NPPA: variants seen among roughly 807,000 people sequenced by gnomAD.
The protein encoded by NPPA is natriuretic peptide A, also known as natriuretic peptides A.
NPPA carries 10 observed loss-of-function variants against 12.2 expected under a neutral mutation model. The ratio of observed to expected loss-of-function variants is 0.82; its 90% CI spans 0.50 to 1.38. The LOEUF is 1.38. NPPA is among the 40% of genes most tolerant of loss of function. The pLI, the probability that NPPA is intolerant of heterozygous loss-of-function variation, is 0.00. For missense variants in NPPA, 207 were observed against 193.5 expected (o/e 1.07, Z -0.41); for synonymous variants, 85 against 80.2 (o/e 1.06, Z -0.32).
intron 2 of NPPA, 41 bp downstream of exon 2, chr1:11,847,072 A>G: frequency 6.7e-7 from 1 of 1,493,824 alleles, no homozygotes; most frequent in Non-Finnish European, 8.9e-7. Flanking sequence ...GTCTCCCAGT[A>G]GTGTCCATCC....
In NPPA at chr1:11,847,318, G is replaced by T. The variant is rs779318727; in HGVS notation, c.245C>A (p.Pro82His). 3.7e-6 allele frequency: 6 copies of T among 1,613,540 alleles called. No individual in the cohort carries two copies. In the South Asian group the frequency reaches 6.6e-5, roughly 18 times the overall value. Residue 82 changes from proline (P) to histidine (H), a missense_variant, in exon 2 of 3, where the codon CCC becomes CAC. Pro to His is a moderately conservative substitution (Grantham distance 77). Transcript: ENST00000376480. ...AALSPLPEVP[P>H]WTGEVSPAQR... The stretch of plus-strand genomic sequence containing the variant: ...GGCTGGGCTGACTTCCCCGGTCCAG[G>T]GAGGCACCTCAGGGAGGGGGCTGAG...
In NPPA at chr1:11,847,082, C is replaced by G. The variant is rs749969997; in HGVS notation, c.450+31G>C. The G allele has an allele frequency of 6.0e-6, 9 of 1,509,806 alleles. No homozygotes were observed. The Admixed American group carries it at 1.8e-4, about 30-fold the overall frequency. The allele number at this position is 1,509,806 out of a possible 1,614,324, so 93.5% of individuals were successfully genotyped here. A position where few individuals can be genotyped will look rare whatever the true frequency, so the allele number is the denominator to read the frequency against. ...AAGGTGTCTCCCAGTAGTGTCCATC[C>G]CATCCCATTTCCATCCCCAGTTCCT... On this transcript the variant is annotated intron_variant, in intron 2 of 2. Coordinates refer to ENST00000376480, the MANE Select transcript of NPPA (RefSeq NM_006172.4).
At position 11,846,619 on chromosome 1, in the gene NPPA, C is replaced by CTTTTT. The variant is rs70987207; in HGVS notation, c.450+489_450+493dup. 1.8e-4 allele frequency among the ~76,000 whole-genome samples: 20 copies of CTTTTT among 111,714 alleles called. 3 individuals carry two copies. The highest frequency in any genetic ancestry group is 6.2e-3 in the Middle Eastern group (1 of 162). 73.3% of individuals were successfully genotyped at this position (111,714 alleles called of 152,430 possible). A position where few individuals can be genotyped will look rare whatever the true frequency, so the allele number is the denominator to read the frequency against. On this transcript the variant is annotated intron_variant, in intron 2 of 2. Transcript: ENST00000376480. ...ACAGGCGTGAGCCACCGTGCCTGGC[C>CTTTTT]TTTTTTTTTTTTTTTTGAGACAGTC...
chr1:11,847,213 G>C lies in NPPA; in HGVS notation c.350C>G (p.Ala117Gly), dbSNP rs72639212. ...RSALLKSKLR[A>G]LLTAPRSLRR... ...CAGGCTCCGAGGGGCAGTGAGCAGC[G>C]CCCTCAGCTTGCTTTTTAGGAGGGC... The change falls in exon 2 of 3, where the codon GCG (alanine) becomes GGG (glycine). Residue 117 changes from alanine (A) to glycine (G), a missense_variant. Coordinates refer to ENST00000376480, the MANE Select transcript of NPPA (RefSeq NM_006172.4). 10 of 1,611,314 alleles carry C rather than the reference G, an allele frequency of 6.2e-6. No homozygotes were observed. The highest frequency in any genetic ancestry group is 8.5e-6 in the Non-Finnish European group (10 of 1,177,836).
At chr1:11,846,091 C>G in intron 2 of NPPA, 77 bp from the exon 3 acceptor site, 1 of 1,474,958 alleles carries the variant, frequency 6.8e-7, no homozygotes, top group Non-Finnish European at 9.5e-7. Context: ...ATGAGTGTGC[C>G]CATCCTCTGA....
Position 11,847,642 on chromosome 1 carries a change from G to A in NPPA, c.43C>T (p.Leu15=), listed in dbSNP as rs1292990926. The A allele has an allele frequency of 2.5e-6, 4 of 1,614,076 alleles. No individual in the cohort carries two copies. The highest frequency in any genetic ancestry group is 1.3e-5 in the African/African-American group (1 of 74,922). ...STTTVSFLLL[L]AFQLLGQTRA... Reference sequence around the variant, plus strand: ...GTCTGACCTAGGAGCTGGAATGCCAGTAAAAGGAGGAAGCTCACGGTGGTG... The same window carrying A: ...GTCTGACCTAGGAGCTGGAATGCCAATAAAAGGAGGAAGCTCACGGTGGTG... Residue 15 remains leucine (L), a synonymous_variant, in exon 1 of 3, where the codon CTG becomes TTG. Transcript: ENST00000376480.
Position 11,846,866 on chromosome 1 carries a change from G to A in NPPA, c.450+247C>T, listed in dbSNP as rs574683031. 1.1e-4 allele frequency among the ~76,000 whole-genome samples: 17 copies of A among 151,292 alleles called. No individual in the cohort carries two copies. In the East Asian group the frequency reaches 2.3e-3, roughly 21 times the overall value. On this transcript the variant is annotated intron_variant, in intron 2 of 2. Coordinates refer to ENST00000376480, the MANE Select transcript of NPPA (RefSeq NM_006172.4). ...CTTGACCTCATGATCCGCCTGCCTC[G>A]GCCTCCCAAAGTGCTGGGATTACAG...
Position 11,847,765 on chromosome 1 carries a change from C to T in NPPA, c.-81G>A. The T allele has an allele frequency of 6.2e-7, 1 of 1,602,630 alleles. No homozygotes were observed. ...TCCTCTCTGGTTCCCCTCTCTTGGC[C>T]TACGTCTGTCCCTGTCTCCCAGCTG... On this transcript the variant is annotated 5_prime_UTR_variant, in exon 1 of 3. Coordinates refer to ENST00000376480, the MANE Select transcript of NPPA (RefSeq NM_006172.4).
chr1:11,846,931 T>TA (rs1409414823), intron 2 of NPPA, among the ~76,000 whole-genome samples, 182 bp downstream of exon 2: 1 of 149,700 alleles, frequency 6.7e-6, no homozygotes, highest in Non-Finnish European at 1.5e-5. Context: ...CTTTTTTTTT[T>TA]AAGCATTTTC....
Position 11,847,335 on chromosome 1 carries a change from G to A in NPPA, c.228C>T (p.Pro76=). ...PNEEAGAALS[P]LPEVPPWTGE... ...CGGTCCAGGGAGGCACCTCAGGGAG[G>A]GGGCTGAGAGCAGCCCCCGCTTCTT... Residue 76 remains proline, a synonymous_variant, in exon 2 of 3, where the codon CCC becomes CCT. Transcript: ENST00000376480. 6.2e-7 allele frequency: 1 copy of A among 1,613,594 alleles called. No individual in the cohort carries two copies. The highest frequency in any genetic ancestry group is 2.2e-5 in the East Asian group (1 of 44,882).
At position 11,847,575 on chromosome 1, in the gene NPPA, A is replaced by G. The variant is rs757501347; in HGVS notation, c.110T>C (p.Leu37Pro). 3 of 1,614,010 alleles carry G rather than the reference A, an allele frequency of 1.9e-6. No individual in the cohort carries two copies. Among genetic ancestry groups the G allele is most frequent in the Admixed American group, 3.3e-5 (2 of 59,998 alleles). The change falls in exon 1 of 3, where the codon CTG becomes CCG. Residue 37 changes from leucine to proline, a missense_variant. Coordinates refer to ENST00000376480, the MANE Select transcript of NPPA (RefSeq NM_006172.4). ...TCCTGGCCCTACCTTGAAATCCATC[A>G]GGTCTGCGTTGGACACGGCATTGTA... ...PMYNAVSNAD[L>P]MDFKNLLDHL...
Position 11,847,270 on chromosome 1 carries a change from C to T in NPPA, c.293G>A (p.Gly98Glu), listed in dbSNP as rs1237327034. 9.9e-6 allele frequency: 16 copies of T among 1,613,682 alleles called. No individual in the cohort carries two copies. The highest frequency in any genetic ancestry group is 1.4e-5 in the Non-Finnish European group (16 of 1,179,724). ...ATCAGAGGAGTCCCAGGGGCCCCGC[C>T]CGAGGGCACCTCCATCTCTCTGGGC... is the stretch of plus-strand genomic sequence containing the variant. Reference protein sequence around the residue: ...SPAQRDGGALGRGPWDSSDRS... With the variant: ...SPAQRDGGALERGPWDSSDRS... The change falls in exon 2 of 3, where the codon GGG becomes GAG. Residue 98 changes from glycine (G) to glutamate (E), a missense_variant. Gly to Glu is a moderately conservative substitution (Grantham distance 98, BLOSUM62 -2). Coordinates refer to ENST00000376480, the MANE Select transcript of NPPA (RefSeq NM_006172.4).
chr1:11,846,202 T>A (rs1463524073), intron 2 of NPPA, among the ~76,000 whole-genome samples, 188 bp from the exon 3 acceptor site: 3 of 152,176 alleles, frequency 2.0e-5, no homozygotes, highest in Non-Finnish European at 4.4e-5. Context: ...AGAGTAAATT[T>A]CACTTAAGCC....
In NPPA at chr1:11,847,208, G is replaced by A. The variant is rs1557442779; in HGVS notation, c.355C>T (p.Leu119Phe). 6.2e-7 allele frequency: 1 copy of A among 1,611,036 alleles called. No individual in the cohort carries two copies. The highest frequency in any genetic ancestry group is 1.3e-5 in the African/African-American group (1 of 74,960). The part of the protein sequence containing the change: ...ALLKSKLRAL[L>F]TAPRSLRRSS... ...CTCCGCAGGCTCCGAGGGGCAGTGA[G>A]CAGCGCCCTCAGCTTGCTTTTTAGG... Residue 119 changes from leucine (L) to phenylalanine (F), a missense_variant, in exon 2 of 3, where the codon CTC becomes TTC. Coordinates refer to ENST00000376480, the MANE Select transcript of NPPA (RefSeq NM_006172.4).
chr1:11,847,529 G>A (rs1334540547), intron 1 of NPPA, 33 bp downstream of exon 1: 1 of 1,614,214 alleles, frequency 6.2e-7, no homozygotes, highest in Non-Finnish European at 8.5e-7. Flanking sequence ...AAAGCCCCCT[G>A]GCCCCAGACT....
chr1:11,847,250 AG>A lies in NPPA; in HGVS notation c.312del (p.Ser105LeufsTer7). The A allele has an allele frequency of 6.2e-7, 1 of 1,613,610 alleles. No homozygotes were observed. Among genetic ancestry groups the A allele is most frequent in the Middle Eastern group, 1.7e-4 (1 of 6,058 alleles). ...CTTTTTAGGAGGGCAGATCGATCAG[AG>A]GAGTCCCAGGGGCCCCGCCCGAGGG... ...GGALGRGPWDSSDRSALLKSK... is the reference protein window; with the variant it reads ...GGALGRGPWDXSDRSALLKSK... On this transcript the variant is annotated frameshift_variant, in exon 2 of 3. Transcript: ENST00000376480. LOFTEE classifies it high-confidence loss of function.
At chr1:11,846,126 C>T in intron 2 of NPPA, 112 bp from the exon 3 acceptor site, 1 of 958,268 alleles carries the variant, frequency 1.0e-6, no homozygotes, top group Non-Finnish European at 1.7e-6. Context: ...CACCTGCTTC[C>T]CACCGGCCCC....
In NPPA at chr1:11,846,619, C is replaced by CTTTTTTTT. The variant is rs70987207; in HGVS notation, c.450+486_450+493dup. Among the ~76,000 whole-genome samples the CTTTTTTTT allele has an allele frequency of 8.7e-3, 971 of 111,588 alleles. 51 individuals carry two copies. The highest frequency in any genetic ancestry group is 0.013 in the Non-Finnish European group (721 of 55,620). The allele number at this position is 111,588 out of a possible 152,430, so 73.2% of individuals were successfully genotyped here. ...ACAGGCGTGAGCCACCGTGCCTGGC[C>CTTTTTTTT]TTTTTTTTTTTTTTTTGAGACAGTC... On this transcript the variant is annotated intron_variant, in intron 2 of 2. Transcript: ENST00000376480.
At chr1:11,847,471 A>G in intron 1 of NPPA, 32 bp from the exon 2 acceptor site, 8 of 1,613,992 alleles carry the variant, frequency 5.0e-6, no homozygotes, top group Non-Finnish European at 6.8e-6. Flanking sequence ...GGAAAGGGAT[A>G]AACCTCACTG....
Sources: gnomAD v4.1 joint callset for allele counts (sites outside exome capture counted in the v4.1 genomes callset) on GRCh38, gnomAD v4.1.1 for gene constraint, MANE v1.5 for transcripts, NCBI Gene and HGNC (gene_info 2026-07-23, HGNC 2026-07-21) for gene names.